MARCHF1: variants seen among roughly 807,000 people sequenced by gnomAD.
MARCHF1 encodes the protein E3 ubiquitin-protein ligase MARCHF1.
MARCHF1 carries 40 observed loss-of-function variants against 54.2 expected under a neutral mutation model. The ratio of observed to expected loss-of-function variants is 0.74; its 90% CI spans 0.57 to 0.96. The LOEUF (loss-of-function observed/expected upper bound fraction) is 0.96, where lower values mean the gene tolerates loss of function less well. MARCHF1 is among the 40% of genes least tolerant of loss of function. The pLI is 0.00. For missense variants in MARCHF1, 586 were observed against 656.5 expected (o/e 0.89, Z 1.17); for synonymous variants, 236 against 236.3 (o/e 1.00, Z 0.01).
chr4:163,656,471 G>C (rs930253608), intron 5 of MARCHF1, among the ~76,000 whole-genome samples: 2 of 151,924 alleles, frequency 1.3e-5, no homozygotes, highest in African/African-American at 4.8e-5. Context: ...AATTCTACCA[G>C]AGGTACAAAC....
At chr4:163,558,702 A>G (rs1028009885) in intron 8 of MARCHF1, among the ~76,000 whole-genome samples, 38 of 152,316 alleles carry the variant, frequency 2.5e-4, no homozygotes, top group Middle Eastern at 3.4e-3. Flanking sequence ...ATGTTTAAGC[A>G]GATCTCTAAG....
At chr4:164,293,996 G>C (rs1734350040) in intron 1 of MARCHF1, among the ~76,000 whole-genome samples, 1 of 152,214 alleles carries the variant, frequency 6.6e-6, no homozygotes, top group African/African-American at 2.4e-5. Flanking sequence ...TGCCAGTGCG[G>C]TTAGAATAAA....
chr4:163,760,811 A>G (rs1746806653), intron 4 of MARCHF1, among the ~76,000 whole-genome samples: 1 of 152,220 alleles, frequency 6.6e-6, no homozygotes. Context: ...ATTATGGGTT[A>G]GCCAACATTT....
At chr4:163,830,864 C>T (rs1415290795) in intron 4 of MARCHF1, among the ~76,000 whole-genome samples, 1 of 152,166 alleles carries the variant, frequency 6.6e-6, no homozygotes, top group Non-Finnish European at 1.5e-5. Flanking sequence ...AGAATTCTTT[C>T]TCTTGCTGTG....
chr4:164,008,499 C>T (rs1385137244), intron 2 of MARCHF1, among the ~76,000 whole-genome samples: 1 of 152,066 alleles, frequency 6.6e-6, no homozygotes, highest in Non-Finnish European at 1.5e-5. Flanking sequence ...CTGGCATTTA[C>T]ATAACATTTC....
chr4:163,759,200 G>A (rs567007788), intron 4 of MARCHF1, among the ~76,000 whole-genome samples: 3 of 149,842 alleles, frequency 2.0e-5, no homozygotes, highest in African/African-American at 7.4e-5. Flanking sequence ...TTTTTTAATG[G>A]TATATTGGTT....
chr4:163,886,224 A>T (rs535758171), intron 3 of MARCHF1, among the ~76,000 whole-genome samples: 1 of 150,576 alleles, frequency 6.6e-6, no homozygotes, highest in African/African-American at 2.4e-5. Context: ...TATCTAGATA[A>T]ATATATATTG....
intron 3 of MARCHF1, among the ~76,000 whole-genome samples, chr4:163,867,687 T>C (rs1025019080): frequency 3.3e-5 from 5 of 151,824 alleles, no homozygotes; most frequent in Non-Finnish European, 5.9e-5. Context: ...ATTACTTTGT[T>C]CAAATTCCAA....
At chr4:164,038,607 C>T (rs1053817170) in intron 2 of MARCHF1, among the ~76,000 whole-genome samples, 1 of 152,138 alleles carries the variant, frequency 6.6e-6, no homozygotes, top group African/African-American at 2.4e-5. Context: ...CATGGGTGGT[C>T]CATGGTCCTT....
At chr4:164,348,847 CT>C (rs1730195431) in intron 1 of MARCHF1, among the ~76,000 whole-genome samples, 1 of 152,106 alleles carries the variant, frequency 6.6e-6, no homozygotes, top group African/African-American at 2.4e-5. Flanking sequence ...TACTATATTG[CT>C]TGCACTCTTC....
intron 1 of MARCHF1, among the ~76,000 whole-genome samples, chr4:164,351,480 A>G (rs1730331540): frequency 6.6e-6 from 1 of 151,398 alleles, no homozygotes; most frequent in Admixed American, 6.6e-5. Context: ...CCTAACTGGG[A>G]GGCACCCCCC....
chr4:164,245,582 G>A (rs182123450), intron 1 of MARCHF1, among the ~76,000 whole-genome samples: 39 of 151,924 alleles, frequency 2.6e-4, no homozygotes, highest in African/African-American at 9.4e-4. Flanking sequence ...TCAACATAGT[G>A]TTGGAAGTTC....
At chr4:164,033,339 C>T (rs1753918914) in intron 2 of MARCHF1, among the ~76,000 whole-genome samples, 1 of 152,094 alleles carries the variant, frequency 6.6e-6, no homozygotes, top group Non-Finnish European at 1.5e-5. Context: ...AAAACTGAGG[C>T]AATACCATTC....
chr4:164,040,994 G>A (rs968088079), intron 2 of MARCHF1, among the ~76,000 whole-genome samples: 1 of 151,996 alleles, frequency 6.6e-6, no homozygotes, highest in Non-Finnish European at 1.5e-5. Context: ...TTTCCTAAAT[G>A]TGTGTAATTT....
chr4:163,679,122 C>T (rs1744012916), intron 5 of MARCHF1, among the ~76,000 whole-genome samples: 2 of 152,254 alleles, frequency 1.3e-5, no homozygotes, highest in Admixed American at 1.3e-4. Flanking sequence ...CATCCAAATC[C>T]GTTGAAAGAG....
At chr4:164,226,115 T>A (rs1025323765) in intron 1 of MARCHF1, among the ~76,000 whole-genome samples, 2 of 151,996 alleles carry the variant, frequency 1.3e-5, no homozygotes, top group Non-Finnish European at 1.5e-5. Flanking sequence ...GAACATCTGA[T>A]TGGATGTTCT....
chr4:164,322,528 T>C (rs939737865), intron 1 of MARCHF1, among the ~76,000 whole-genome samples: 2 of 151,962 alleles, frequency 1.3e-5, no homozygotes, highest in Non-Finnish European at 1.5e-5. Context: ...GTGACTATGG[T>C]CAGTAATAAT....
chr4:163,698,535 G>C (rs1228789157), intron 5 of MARCHF1, among the ~76,000 whole-genome samples: 1 of 152,116 alleles, frequency 6.6e-6, no homozygotes, highest in South Asian at 2.1e-4. Flanking sequence ...TTTAAGAATA[G>C]AGTTTTTTTA....
chr4:164,281,517 A>G (rs899933539), intron 1 of MARCHF1, among the ~76,000 whole-genome samples: 3 of 152,108 alleles, frequency 2.0e-5, no homozygotes, highest in Non-Finnish European at 4.4e-5. Flanking sequence ...TTACCCAAAA[A>G]CAGAGGTGGC....
Sources: gnomAD v4.1 joint callset for allele counts (sites outside exome capture counted in the v4.1 genomes callset) on GRCh38, gnomAD v4.1.1 for gene constraint, MANE v1.5 for transcripts, NCBI Gene and HGNC (gene_info 2026-07-23, HGNC 2026-07-21) for gene names.